The following CLIP4 variants were observed in gnomAD, a reference collection of about 807,000 sequenced individuals.
CLIP4 encodes CAP-Gly domain-containing linker protein 4.
CLIP4 carries 47 observed loss-of-function variants against 73.1 expected under a neutral mutation model. The ratio of observed to expected loss-of-function variants is 0.64; its 90% CI spans 0.51 to 0.82. The LOEUF is 0.82. Ranked by LOEUF, CLIP4 falls within the 40% of genes least tolerant of loss-of-function variation. The pLI, the probability that CLIP4 is intolerant of heterozygous loss-of-function variation, is 0.00. For synonymous variants in CLIP4, 306 were observed against 295.4 expected (o/e 1.04, Z -0.37); for missense variants, 874 against 852.9 (o/e 1.02, Z -0.31).
intron 10 of CLIP4, 79 bp downstream of exon 10, chr2:29,156,522 A>G (rs1572982370): frequency 6.7e-6 from 7 of 1,043,462 alleles, no homozygotes; most frequent in East Asian, 2.6e-5. Context: ...AACAGTTTAT[A>G]TGGAGGTTAA....
intron 5 of CLIP4, among the ~76,000 whole-genome samples, chr2:29,135,014 G>C (rs1401535517): frequency 1.3e-5 from 2 of 151,976 alleles, no homozygotes; most frequent in Non-Finnish European, 2.9e-5. Flanking sequence ...AGACTTTTTG[G>C]ACCATATGGT....
chr2:29,159,683 TAAAA>T lies in CLIP4; in HGVS notation c.1400-629_1400-626del, dbSNP rs56927221. On this transcript the variant is annotated intron_variant, in intron 11 of 15. Coordinates refer to ENST00000320081, the MANE Select transcript of CLIP4 (RefSeq NM_024692.6). ...TCAACACAGCAAGACCCTGTTTCTT[TAAAA>T]AAAAAAAAAAAAAAAAAAAAGTCAA... 1.3e-4 allele frequency among the ~76,000 whole-genome samples: 15 copies of T among 114,144 alleles called. No homozygotes were observed. In the South Asian group the frequency reaches 2.1e-3, roughly 16 times the overall value. The allele number at this position is 114,144 out of a possible 152,430, so 74.9% of individuals were successfully genotyped here.
intron 2 of CLIP4, among the ~76,000 whole-genome samples, chr2:29,127,285 G>C (rs35230600): frequency 1.3e-3 from 198 of 152,110 alleles, no homozygotes; most frequent in Non-Finnish European, 2.2e-3. Flanking sequence ...AAGAAGCCAA[G>C]CAGAGGACTT....
chr2:29,177,962 A>G (rs1168124786), intron 15 of CLIP4, among the ~76,000 whole-genome samples: 1 of 152,206 alleles, frequency 6.6e-6, no homozygotes, highest in African/African-American at 2.4e-5. Context: ...TTAGAACGTT[A>G]AGTGTTTACC....
At chr2:29,172,104 C>T (rs541727533) in intron 14 of CLIP4, among the ~76,000 whole-genome samples, 2 of 147,312 alleles carry the variant, frequency 1.4e-5, no homozygotes, top group African/African-American at 5.0e-5. Context: ...GATAATTTAA[C>T]ATTGATACTT....
chr2:29,104,551 T>A lies in CLIP4; in HGVS notation c.-16+6604T>A, dbSNP rs1047056650. ...ATCCACCTGCCTCGGCCTCCCAAAG[T>A]GCTGGGATTACAGGCGTGAGCCACC... On this transcript the variant is annotated intron_variant, in intron 1 of 14. Transcript: ENST00000401605. 5.9e-5 allele frequency among the ~76,000 whole-genome samples: 9 copies of A among 152,112 alleles called. No homozygotes were observed. The South Asian group carries it at 1.9e-3, about 32-fold the overall frequency.
In CLIP4 at chr2:29,181,914, G is replaced by A; in HGVS notation, c.*21G>A. 1 of 1,546,842 alleles carries A rather than the reference G, an allele frequency of 6.5e-7. No homozygotes were observed. The highest frequency in any genetic ancestry group is 2.3e-5 in the East Asian group (1 of 44,252). ...GTTAAGCTTCTAAAATATTAAATAA[G>A]CTCAAATATATATATTTGGTGTAAA... On this transcript the variant is annotated 3_prime_UTR_variant, in exon 16 of 16. Transcript: ENST00000320081.
rs953586093 is a variant in CLIP4, at chr2:29,182,821, A to C, written c.*928A>C. ...TGATGCACTTTTATCTTTGTGAATA[A>C]TTTACTGTCCTTTCCTCCTGGGATA... On this transcript the variant is annotated 3_prime_UTR_variant, in exon 16 of 16. Transcript: ENST00000320081. 6.5e-6 allele frequency: 1 copy of C among 152,684 alleles called. No homozygotes were observed. The highest frequency in any genetic ancestry group is 1.5e-5 in the Non-Finnish European group (1 of 68,044). 9.5% of individuals were successfully genotyped at this position (152,684 alleles called of 1,614,324 possible).
chr2:29,159,809 C>T (rs1347726213), intron 11 of CLIP4, among the ~76,000 whole-genome samples: 3 of 152,042 alleles, frequency 2.0e-5, no homozygotes, highest in Non-Finnish European at 4.4e-5. Flanking sequence ...CAAACTATGG[C>T]CCATGGGCCA....
chr2:29,132,120 G>C (rs1183993096), intron 3 of CLIP4, 32 bp from the exon 4 acceptor site: 1 of 1,542,244 alleles, frequency 6.5e-7, no homozygotes. Flanking sequence ...TCAGTAGTTA[G>C]GTTGTAACCA....
At chr2:29,116,161 A>C (rs1318107019) in intron 1 of CLIP4, among the ~76,000 whole-genome samples, 1 of 152,166 alleles carries the variant, frequency 6.6e-6, no homozygotes, top group Non-Finnish European at 1.5e-5. Flanking sequence ...GCTACCTGAG[A>C]TCCCTTAATT....
At chr2:29,173,181 G>A (rs555674376) in intron 14 of CLIP4, among the ~76,000 whole-genome samples, 4 of 152,140 alleles carry the variant, frequency 2.6e-5, no homozygotes, top group Non-Finnish European at 5.9e-5. Flanking sequence ...TTGCCTGGAG[G>A]CATTGCCAAC....
chr2:29,176,341 ACT>A (rs1395903852), intron 15 of CLIP4, among the ~76,000 whole-genome samples: 1 of 152,146 alleles, frequency 6.6e-6, no homozygotes, highest in Non-Finnish European at 1.5e-5. Context: ...GATTCATCAA[ACT>A]CTGCTCCATG....
In CLIP4 at chr2:29,102,278, G is replaced by A. The variant is rs371263755; in HGVS notation, c.-16+4331G>A. ...CAACAGGCGTCTCTAGATTTACATG[G>A]AATTGCTTATTCAGGTCATCAATGA... On this transcript the variant is annotated intron_variant, in intron 1 of 14. Coordinates refer to the CLIP4 transcript ENST00000401605. 1.5e-4 allele frequency among the ~76,000 whole-genome samples: 23 copies of A among 152,206 alleles called. No homozygotes were observed. The South Asian group carries it at 4.6e-3, about 30-fold the overall frequency.
intron 1 of CLIP4, among the ~76,000 whole-genome samples, chr2:29,098,330 C>T (rs1034558641): frequency 1.3e-5 from 2 of 152,154 alleles, no homozygotes; most frequent in Non-Finnish European, 2.9e-5. Flanking sequence ...TGCATAATGT[C>T]GTATGTCCAC....
Position 29,181,835 on chromosome 2 carries a change from C to A in CLIP4, c.2060C>A (p.Pro687Gln). 3 of 1,613,972 alleles carry A rather than the reference C, an allele frequency of 1.9e-6. No homozygotes were observed. The highest frequency in any genetic ancestry group is 2.5e-6 in the Non-Finnish European group (3 of 1,179,926). The change falls in exon 16 of 16, where the codon CCG becomes CAG. Residue 687 changes from proline (P) to glutamine (Q), a missense_variant. Physicochemically the swap from Pro to Gln is moderately conservative, Grantham distance 76. Coordinates refer to ENST00000320081, the MANE Select transcript of CLIP4 (RefSeq NM_024692.6). ...CKPNHGVLVR[P>Q]SRVTYRGING... ...CCGAACCATGGAGTCTTAGTTCGAC[C>A]GAGCAGAGTGACCTATCGGGGAATT... is the stretch of plus-strand genomic sequence containing the variant.
intron 2 of CLIP4, among the ~76,000 whole-genome samples, chr2:29,127,647 T>C (rs1664691862): frequency 1.3e-5 from 2 of 152,120 alleles, no homozygotes; most frequent in African/African-American, 4.8e-5. Flanking sequence ...CATGAATCCA[T>C]TGGTTTTCCA....
chr2:29,174,295 A>T, intron 14 of CLIP4, 78 bp from the exon 15 acceptor site: 1 of 1,177,284 alleles, frequency 8.5e-7, no homozygotes, highest in Non-Finnish European at 1.2e-6. Flanking sequence ...CATCTACAGA[A>T]GAAGTGATAA....
chr2:29,170,589 A>G (rs1667938052), intron 14 of CLIP4, among the ~76,000 whole-genome samples: 1 of 152,198 alleles, frequency 6.6e-6, no homozygotes, highest in South Asian at 2.1e-4. Flanking sequence ...CACAGAGCAG[A>G]AGCTTTTAGT....
Sources: allele counts gnomAD v4.1 joint callset (sites outside exome capture counted in the v4.1 genomes callset), GRCh38; gene constraint gnomAD v4.1.1; transcripts MANE v1.5; gene names NCBI Gene and HGNC (gene_info 2026-07-23, HGNC 2026-07-21).